PRDM2: variants seen among roughly 807,000 people sequenced by gnomAD.
PRDM2 encodes the protein PR domain zinc finger protein 2.
PRDM2 carries 30 observed loss-of-function variants against 130.0 expected under a neutral mutation model. The observed-to-expected ratio is 0.23, with a 90% CI of 0.17 to 0.31. The LOEUF is 0.31. Ranked by LOEUF, PRDM2 falls within the 10% of genes least tolerant of loss-of-function variation. The pLI, the probability that PRDM2 is intolerant of heterozygous loss-of-function variation, is 1.00. For missense variants in PRDM2, 2,011 were observed against 2,108.4 expected (o/e 0.95, Z 0.90); for synonymous variants, 871 against 782.4 (o/e 1.11, Z -1.89).
intron 1 of PRDM2, among the ~76,000 whole-genome samples, chr1:13,710,160 A>G (rs1642325653): frequency 6.6e-6 from 1 of 152,220 alleles, no homozygotes; most frequent in South Asian, 2.1e-4. Flanking sequence ...CATGCATTAC[A>G]TTAATGCTAG....
At chr1:13,760,789 A>G (rs1376857685) in intron 6 of PRDM2, among the ~76,000 whole-genome samples, 1 of 152,132 alleles carries the variant, frequency 6.6e-6, no homozygotes, top group Non-Finnish European at 1.5e-5. Flanking sequence ...ATCCCATTGT[A>G]ATGGTGGGCA....
rs779708152 is a variant in PRDM2, at chr1:13,781,254, A to G, written c.3459A>G (p.Leu1153=). ...FLSIKDLTKH[L]SIHAEEWPFK... ...CCATTAAAGATCTAACCAAACATTT[A>G]TCTATTCATGCTGAAGAATGGCCCT... Residue 1153 remains leucine, a synonymous_variant, in exon 8 of 10, where the codon TTA becomes TTG. Coordinates refer to ENST00000311066, the MANE Select transcript of PRDM2 (RefSeq NM_001393986.1). The surrounding 1 kb of genome is among the most constrained non-coding windows in gnomAD (Gnocchi z 6.1). 2 of 1,614,244 alleles carry G rather than the reference A, an allele frequency of 1.2e-6. No homozygotes were observed. Among genetic ancestry groups the G allele is most frequent in the East Asian group, 2.2e-5 (1 of 44,890 alleles).
rs1199251744 is a variant in PRDM2 at position 13,780,219 on chromosome 1, G to A, written c.2424G>A (p.Glu808=). Residue 808 remains glutamate, a synonymous_variant, in exon 8 of 10, where the codon GAG becomes GAA. Transcript: ENST00000311066. ...TTGATGAATATAAAATGTCTAAAGA[G>A]TGGACAGCTAGTTCTGCTTTTAGCA... is the stretch of plus-strand genomic sequence containing the variant. The part of the protein sequence containing the change: ...PCFDEYKMSK[E]WTASSAFSSV... The A allele has an allele frequency of 1.2e-6, 2 of 1,608,258 alleles. No individual in the cohort carries two copies. Among genetic ancestry groups the A allele is most frequent in the Non-Finnish European group, 1.7e-6 (2 of 1,176,760 alleles).
chr1:13,779,588 T>C lies in PRDM2; in HGVS notation c.1793T>C (p.Ile598Thr). The change falls in exon 8 of 10, where the codon ATA (isoleucine) becomes ACA (threonine). Residue 598 changes from isoleucine to threonine, a missense_variant. By Grantham distance (89) the Ile-to-Thr change is moderately conservative (BLOSUM62 -1). Around this residue, in one of 5 missense-constraint regions of PRDM2, gnomAD observed 1,288 missense variants for 1,237.7 expected, o/e 1.04. Coordinates refer to ENST00000311066, the MANE Select transcript of PRDM2 (RefSeq NM_001393986.1). This position sits in a 1 kb window ranked among gnomAD's most constrained non-coding sequence, Gnocchi z 4.9. ...MESASADLYG[I>T]NCLLTPVTVE... ...TCTGCTTCGGCAGATTTGTATGGTA[T>C]AAATTGTCTGCTCACTCCAGTTACA... 6.2e-7 allele frequency: 1 copy of C among 1,614,134 alleles called. No individual in the cohort carries two copies. Among genetic ancestry groups the C allele is most frequent in the Non-Finnish European group, 8.5e-7 (1 of 1,179,984 alleles).
chr1:13,738,800 A>G (rs1226019850), intron 4 of PRDM2: 2 of 152,212 alleles, frequency 1.3e-5, no homozygotes, highest in Non-Finnish European at 2.9e-5. Context: ...GGAGTGAAGT[A>G]GTTGATACTG....
At chr1:13,769,969 A>G (rs965131179) in intron 6 of PRDM2, among the ~76,000 whole-genome samples, 3 of 152,182 alleles carry the variant, frequency 2.0e-5, no homozygotes, top group Non-Finnish European at 4.4e-5. Context: ...TAGTGGCTAC[A>G]GGTGCAGTTA....
In PRDM2 at chr1:13,780,548, C is replaced by T; in HGVS notation, c.2753C>T (p.Ser918Phe). The T allele has an allele frequency of 1.2e-6, 2 of 1,614,158 alleles. No individual in the cohort carries two copies. Among genetic ancestry groups the T allele is most frequent in the Non-Finnish European group, 1.7e-6 (2 of 1,180,030 alleles). ...ACCAGGAGCCCAAGTCCTTGTAAAT[C>T]CCTAGAAGCTCAGCCAGATCCTGAC... ...DGTRSPSPCK[S>F]LEAQPDPDLG... The change falls in exon 8 of 10, where the codon TCC (serine) becomes TTC (phenylalanine). Residue 918 changes from serine to phenylalanine, a missense_variant. Physicochemically the swap from Ser to Phe is radical, Grantham distance 155 (BLOSUM62 -2). Coordinates refer to ENST00000311066, the MANE Select transcript of PRDM2 (RefSeq NM_001393986.1).
chr1:13,781,005 C>T lies in PRDM2; in HGVS notation c.3210C>T (p.Ser1070=). The T allele has an allele frequency of 6.2e-7, 1 of 1,602,094 alleles. No homozygotes were observed. The highest frequency in any genetic ancestry group is 8.6e-7 in the Non-Finnish European group (1 of 1,169,216). The part of the protein sequence containing the change: ...SSSSFSSSSS[S]SSPSPPPLSA... ...CTTCGTTTTCTTCTTCATCTTCCTC[C>T]TCTTCTCCTTCTCCACCTCCTCTCT... Residue 1070 remains serine, a synonymous_variant, in exon 8 of 10, where the codon TCC becomes TCT. Transcript: ENST00000311066. This position sits in a 1 kb window ranked among gnomAD's most constrained non-coding sequence, Gnocchi z 6.1.
At chr1:13,788,120 T>A in intron 8 of PRDM2, 1 of 950,420 alleles carries the variant, frequency 1.1e-6, no homozygotes, top group Non-Finnish European at 1.3e-6. Flanking sequence ...TGGGAGCAGT[T>A]AGGGGGTAAA....
intron 4 of PRDM2, among the ~76,000 whole-genome samples, chr1:13,736,357 A>G (rs1301280455): frequency 6.6e-6 from 1 of 152,066 alleles, no homozygotes; most frequent in African/African-American, 2.4e-5. Flanking sequence ...CATGGGCTCA[A>G]GCGATCTGCC....
rs773437181 is a variant in PRDM2 at position 13,732,829 on chromosome 1, G to A, written c.178G>A (p.Val60Ile). 3.7e-6 allele frequency: 6 copies of A among 1,608,688 alleles called. No individual in the cohort carries two copies. The Admixed American group carries it at 6.8e-5, about 18-fold the overall frequency. ...ILKGKKFGPF[V>I]GDKKKRSQVK... ...AAAAGGCAAAAAATTTGGGCCATTT[G>A]TTGGTGATAAGAAAAAAAGATCTCA... Residue 60 changes from valine to isoleucine, a missense_variant, in exon 4 of 10, where the codon GTT becomes ATT. Transcript: ENST00000311066.
intron 6 of PRDM2, among the ~76,000 whole-genome samples, chr1:13,769,616 T>C (rs1178754583): frequency 1.3e-5 from 2 of 152,326 alleles, no homozygotes; most frequent in East Asian, 1.9e-4. Flanking sequence ...TTGAGAACAT[T>C]GTTCCAGGTG....
At chr1:13,715,401 C>T (rs920619173) in intron 1 of PRDM2, 140 bp from the exon 2 acceptor site, 1 of 385,006 alleles carries the variant, frequency 2.6e-6, no homozygotes. Flanking sequence ...AGGAAGCTCT[C>T]AGCATAGATT....
chr1:13,771,551 G>A lies in PRDM2; in HGVS notation c.512-1527G>A, dbSNP rs537246933. On this transcript the variant is annotated intron_variant, in intron 6 of 9. Coordinates refer to ENST00000311066, the MANE Select transcript of PRDM2 (RefSeq NM_001393986.1). This position sits in a 1 kb window ranked among gnomAD's most constrained non-coding sequence, Gnocchi z 4.1. The stretch of plus-strand genomic sequence containing the variant: ...TCGAGACCATCCTGGCTAAGATGGT[G>A]AAACCCCGTCTCTACTAAAATACGA... Among the ~76,000 whole-genome samples, 1 of 152,296 alleles carries A rather than the reference G, an allele frequency of 6.6e-6. No individual in the cohort carries two copies. The highest frequency in any genetic ancestry group is 1.5e-5 in the Non-Finnish European group (1 of 68,034).
At chr1:13,762,264 G>A (rs1161972274) in intron 6 of PRDM2, among the ~76,000 whole-genome samples, 3 of 152,174 alleles carry the variant, frequency 2.0e-5, no homozygotes, top group African/African-American at 7.2e-5. Context: ...ATCAAATCAT[G>A]GCCCAAGGGC....
At chr1:13,734,120 T>G (rs1643195704) in intron 4 of PRDM2, among the ~76,000 whole-genome samples, 1 of 152,148 alleles carries the variant, frequency 6.6e-6, no homozygotes, top group African/African-American at 2.4e-5. Context: ...TAACGGGGGG[T>G]GTCTTAGGAA....
chr1:13,765,011 T>C (rs189229358), intron 6 of PRDM2, among the ~76,000 whole-genome samples: 1 of 152,326 alleles, frequency 6.6e-6, no homozygotes, highest in Non-Finnish European at 1.5e-5. Context: ...ATGTTAACTT[T>C]TATAAAAACT....
chr1:13,707,009 C>CTA (rs770841764), intron 1 of PRDM2, among the ~76,000 whole-genome samples: 8 of 151,816 alleles, frequency 5.3e-5, no homozygotes, highest in Non-Finnish European at 1.0e-4. Flanking sequence ...CGGAGAAGAC[C>CTA]TATAGAATCT....
At chr1:13,759,745 A>G (rs1245360801) in intron 6 of PRDM2, among the ~76,000 whole-genome samples, 2 of 152,204 alleles carry the variant, frequency 1.3e-5, no homozygotes, top group African/African-American at 4.8e-5. Flanking sequence ...TTATATGTGG[A>G]ACAATCTCCT....
Sources: gnomAD v4.1 joint callset for allele counts (sites outside exome capture counted in the v4.1 genomes callset) on GRCh38, gnomAD v4.1.1 for gene constraint, gnomAD v4.1.1 regional missense constraint, Gnocchi (gnomAD v3.1) non-coding constraint, MANE v1.5 for transcripts, NCBI Gene and HGNC (gene_info 2026-07-23, HGNC 2026-07-21) for gene names.